Variants in SLC44A5 observed in about 807,000 individuals in gnomAD.
SLC44A5 encodes solute carrier family 44 member 5.
Under a neutral mutation model 101.8 loss-of-function variants are expected in SLC44A5, and 57 were observed. The observed-to-expected ratio is 0.56, with a 90% CI of 0.45 to 0.70. The LOEUF (loss-of-function observed/expected upper bound fraction) is 0.70, where lower values mean the gene tolerates loss of function less well. Among genes scored for constraint, SLC44A5 ranks in the 30% least tolerant of loss-of-function variants. The pLI, the probability that SLC44A5 is intolerant of heterozygous loss-of-function variation, is 0.00. For missense variants in SLC44A5, 737 were observed against 853.1 expected, an observed-to-expected ratio of 0.86 and a Z score of 1.70; for synonymous variants, 281 against 290.9, an observed-to-expected ratio of 0.97 and a Z score of 0.35.
intron 2 of SLC44A5, among the ~76,000 whole-genome samples, chr1:75,438,519 C>A (rs769342237): frequency 6.6e-6 from 1 of 152,024 alleles, no homozygotes. Flanking sequence ...GAGCACTGTG[C>A]AGTACTAAAT....
intron 3 of SLC44A5, among the ~76,000 whole-genome samples, chr1:75,346,122 G>C (rs1228500057): frequency 2.6e-5 from 4 of 152,038 alleles, no homozygotes; most frequent in African/African-American, 9.7e-5. Context: ...CATTGGACAT[G>C]GCATGATTAA....
At chr1:75,690,077 T>C in the SLC44A5 span, among the ~76,000 whole-genome samples, 1 of 152,066 alleles carries the variant, frequency 6.6e-6, no homozygotes, top group Non-Finnish European at 1.5e-5. Flanking sequence ...CATCAACACT[T>C]AAGAATAAGG....
intron 1 of SLC44A5, among the ~76,000 whole-genome samples, chr1:75,568,557 C>T (rs565252943): frequency 7.9e-5 from 12 of 152,118 alleles, no homozygotes; most frequent in Non-Finnish European, 1.8e-4. Flanking sequence ...AGAGAATGAA[C>T]TTGTCCTTTG....
At chr1:75,591,403 A>C (rs550995002) in intron 1 of SLC44A5, among the ~76,000 whole-genome samples, 82 of 152,290 alleles carry the variant, frequency 5.4e-4, no homozygotes, top group African/African-American at 1.8e-3. Context: ...GAGTGGTTAA[A>C]CCCACTTGAT....
At chr1:75,313,583 T>C (rs1299318978) in intron 4 of SLC44A5, among the ~76,000 whole-genome samples, 2 of 152,190 alleles carry the variant, frequency 1.3e-5, no homozygotes, top group African/African-American at 2.4e-5. Flanking sequence ...ATGTGGACTG[T>C]CCATTATGAA....
chr1:75,503,502 G>C (rs779516253), intron 2 of SLC44A5, among the ~76,000 whole-genome samples: 29 of 152,094 alleles, frequency 1.9e-4, no homozygotes, highest in Non-Finnish European at 3.8e-4. Flanking sequence ...ATGATTTTAA[G>C]TTTCCTGAGG....
intron 2 of SLC44A5, among the ~76,000 whole-genome samples, chr1:75,505,985 G>T (rs989326662): frequency 6.6e-6 from 1 of 151,988 alleles, no homozygotes; most frequent in Non-Finnish European, 1.5e-5. Flanking sequence ...ATAGTTTGAG[G>T]TTTACATCTA....
chr1:75,640,987 C>A, the SLC44A5 span, among the ~76,000 whole-genome samples: 1 of 152,008 alleles, frequency 6.6e-6, no homozygotes, highest in Non-Finnish European at 1.5e-5. Context: ...TTCATGTGAA[C>A]TATGACAAAA....
At chr1:75,618,934 G>A in the SLC44A5 span, among the ~76,000 whole-genome samples, 5 of 152,002 alleles carry the variant, frequency 3.3e-5, no homozygotes, top group Non-Finnish European at 5.9e-5. Context: ...GCTGGGTGTG[G>A]TGGCAGGTAC....
the SLC44A5 span, among the ~76,000 whole-genome samples, chr1:75,645,236 C>A: frequency 1.3e-5 from 2 of 152,132 alleles, no homozygotes; most frequent in East Asian, 3.8e-4. Context: ...AGTTTACAGT[C>A]CCACCAACAG....
chr1:75,616,815 G>A, the SLC44A5 span, among the ~76,000 whole-genome samples: 1 of 152,232 alleles, frequency 6.6e-6, no homozygotes, highest in Non-Finnish European at 1.5e-5. Flanking sequence ...GAGGGCCCAG[G>A]ATAGTTCCCT....
the SLC44A5 span, among the ~76,000 whole-genome samples, chr1:75,637,733 A>G: frequency 6.6e-6 from 1 of 152,056 alleles, no homozygotes; most frequent in Non-Finnish European, 1.5e-5. Context: ...CATTGTATTT[A>G]AAGTTTATCA....
At chr1:75,314,370 C>A (rs1655537085) in intron 4 of SLC44A5, among the ~76,000 whole-genome samples, 1 of 152,168 alleles carries the variant, frequency 6.6e-6, no homozygotes, top group Admixed American at 6.5e-5. Flanking sequence ...ACGCCAGCAT[C>A]ATCTTTCATA....
chr1:75,544,137 T>C (rs910292351), intron 1 of SLC44A5, among the ~76,000 whole-genome samples: 1 of 152,266 alleles, frequency 6.6e-6, no homozygotes, highest in East Asian at 1.9e-4. Context: ...GGCTCTGCTG[T>C]TATGAATGAA....
chr1:75,436,993 G>A (rs1664929112), intron 2 of SLC44A5, among the ~76,000 whole-genome samples: 1 of 152,072 alleles, frequency 6.6e-6, no homozygotes, highest in Non-Finnish European at 1.5e-5. Context: ...AAGGTCTTCA[G>A]GGGCAATAAC....
At chr1:75,653,405 C>T in the SLC44A5 span, among the ~76,000 whole-genome samples, 3 of 152,076 alleles carry the variant, frequency 2.0e-5, no homozygotes, top group African/African-American at 7.2e-5. Flanking sequence ...TCACTTGAAT[C>T]CGGGAGGCAG....
intron 2 of SLC44A5, among the ~76,000 whole-genome samples, chr1:75,530,648 A>AC (rs1260977273): frequency 1.3e-5 from 2 of 152,150 alleles, no homozygotes; most frequent in African/African-American, 4.8e-5. Context: ...TTCTTTGTTT[A>AC]CCCACTAATT....
At chr1:75,545,190 T>C (rs1253526207) in intron 1 of SLC44A5, among the ~76,000 whole-genome samples, 1 of 152,210 alleles carries the variant, frequency 6.6e-6, no homozygotes, top group Non-Finnish European at 1.5e-5. Flanking sequence ...CACGATCTCA[T>C]CCTTTTTAAT....
chr1:75,478,675 A>G (rs1202554066), intron 2 of SLC44A5, among the ~76,000 whole-genome samples: 1 of 152,212 alleles, frequency 6.6e-6, no homozygotes, highest in African/African-American at 2.4e-5. Context: ...ATAATGGTAA[A>G]GGGATCAATT....
Sources: gnomAD v4.1 joint callset for allele counts (sites outside exome capture counted in the v4.1 genomes callset) on GRCh38, gnomAD v4.1.1 for gene constraint, MANE v1.5 for transcripts, NCBI Gene and HGNC (gene_info 2026-07-23, HGNC 2026-07-21) for gene names.